RRBP1: variants seen among roughly 807,000 people sequenced by gnomAD.
The protein encoded by RRBP1 is ribosome-binding protein 1.
A neutral mutation model predicts 165.2 loss-of-function variants in RRBP1; 94 were observed. The observed-to-expected ratio is 0.57, with a 90% CI of 0.48 to 0.68. The LOEUF is 0.68. RRBP1 is among the 30% of genes least tolerant of loss of function. The pLI, the probability that RRBP1 is intolerant of heterozygous loss-of-function variation, is 0.00. For missense variants in RRBP1, 1,676 were observed against 1,763.0 expected (o/e 0.95, Z 0.88); for synonymous variants, 680 against 714.5 (o/e 0.95, Z 0.77).
In RRBP1 at chr20:17,660,040, T is replaced by G. The variant is rs2036730287; in HGVS notation, c.468A>C (p.Val156=). The part of the protein sequence containing the change: ...VAKVEPAVSS[V]VNSIQVLTSK... Reference sequence around the variant, plus strand: ...AAGTGAGAACCTGGATGGAATTCACTACAGAGCTGACAGCTGGTTCCACTT... The same window carrying G: ...AAGTGAGAACCTGGATGGAATTCACGACAGAGCTGACAGCTGGTTCCACTT... The change falls in exon 3 of 25, where the codon GTA becomes GTC. Residue 156 remains valine, a synonymous_variant. Coordinates refer to ENST00000377813, the MANE Select transcript of RRBP1 (RefSeq NM_001365613.2). 1 of 1,613,494 alleles carries G rather than the reference T, an allele frequency of 6.2e-7. No homozygotes were observed. The highest frequency in any genetic ancestry group is 1.3e-5 in the African/African-American group (1 of 74,936).
chr20:17,615,601 C>T (rs559172585), intron 22 of RRBP1, 72 bp from the exon 23 acceptor site: 3 of 1,317,984 alleles, frequency 2.3e-6, no homozygotes, highest in South Asian at 3.0e-5. Flanking sequence ...CCCTACCGAG[C>T]ACGCCTGGGG....
chr20:17,664,402 C>T (rs951991820), intron 2 of RRBP1, among the ~76,000 whole-genome samples: 2 of 152,170 alleles, frequency 1.3e-5, no homozygotes, highest in African/African-American at 2.4e-5. Context: ...CTGCTGGTAA[C>T]TGAAACCACA....
At chr20:17,633,662 A>G in intron 7 of RRBP1, 49 bp from the exon 8 acceptor site, 1 of 1,594,608 alleles carries the variant, frequency 6.3e-7, no homozygotes. Context: ...GGGTGATGGG[A>G]TCGGTGGTCC....
intron 3 of RRBP1, among the ~76,000 whole-genome samples, chr20:17,657,335 A>AG (rs2036662830): frequency 6.6e-6 from 1 of 152,210 alleles, no homozygotes; most frequent in Admixed American, 6.5e-5. Context: ...CACACGGAGC[A>AG]GGGGGCTGCT....
intron 8 of RRBP1, 105 bp from the exon 9 acceptor site, chr20:17,630,066 T>A: frequency 7.8e-7 from 1 of 1,283,794 alleles, no homozygotes; most frequent in Non-Finnish European, 1.1e-6. Context: ...CAAAGCCCCG[T>A]GCAGTCTCTG....
At chr20:17,668,022 A>G (rs1018982534) in intron 2 of RRBP1, among the ~76,000 whole-genome samples, 1 of 152,174 alleles carries the variant, frequency 6.6e-6, no homozygotes, top group Non-Finnish European at 1.5e-5. Context: ...TTCCTTTATA[A>G]TATCTTTTTA....
chr20:17,631,934 T>C (rs1040278282), intron 8 of RRBP1, among the ~76,000 whole-genome samples: 3 of 152,212 alleles, frequency 2.0e-5, no homozygotes, highest in Non-Finnish European at 2.9e-5. Flanking sequence ...CTTGGAGATA[T>C]CTTGAATAAA....
chr20:17,665,811 A>C (rs1339013074), intron 2 of RRBP1, among the ~76,000 whole-genome samples: 1 of 152,118 alleles, frequency 6.6e-6, no homozygotes, highest in Non-Finnish European at 1.5e-5. Flanking sequence ...TTTATAAGTT[A>C]TTTTCTTCAA....
intron 6 of RRBP1, 22 bp from the exon 7 acceptor site, chr20:17,635,686 C>G (rs531860027): frequency 2.5e-6 from 4 of 1,580,984 alleles, no homozygotes; most frequent in Non-Finnish European, 1.7e-6. Context: ...CGGGCAAGGG[C>G]ATCAGAGGCA....
At chr20:17,642,512 G>A (rs1273079250) in intron 4 of RRBP1, among the ~76,000 whole-genome samples, 1 of 152,118 alleles carries the variant, frequency 6.6e-6, no homozygotes, top group Admixed American at 6.5e-5. Flanking sequence ...CCTGAACTCT[G>A]ACTCCAGTGA....
Position 17,660,478 on chromosome 20 carries a change from C to T in RRBP1, c.30G>A (p.Gly10=), listed in dbSNP as rs2036744958. MDIYDTQTL[G]VVVFGGFMVV... The stretch of plus-strand genomic sequence containing the variant: ...CCATGAATCCTCCAAAGACCACAAC[C>T]CCCAAGGTTTGAGTGTCGTAAATAT... The change falls in exon 3 of 25, where the codon GGG becomes GGA. Residue 10 remains glycine, a synonymous_variant. Transcript: ENST00000377813. The T allele has an allele frequency of 1.2e-6, 2 of 1,614,006 alleles. No homozygotes were observed. Among genetic ancestry groups the T allele is most frequent in the African/African-American group, 2.7e-5 (2 of 75,008 alleles).
chr20:17,677,440 C>T (rs902418628), intron 2 of RRBP1, among the ~76,000 whole-genome samples: 7 of 152,178 alleles, frequency 4.6e-5, no homozygotes, highest in African/African-American at 1.4e-4. Context: ...TAAAGTTAAA[C>T]TTTGGTTTTA....
intron 11 of RRBP1, 60 bp downstream of exon 11, chr20:17,627,288 G>A (rs1417164229): frequency 3.8e-6 from 6 of 1,582,092 alleles, no homozygotes; most frequent in Non-Finnish European, 5.2e-6. Flanking sequence ...GGCCCCCCAA[G>A]GGTCTTTGGT....
At chr20:17,645,161 G>A (rs541701848) in intron 3 of RRBP1, among the ~76,000 whole-genome samples, 14 of 152,288 alleles carry the variant, frequency 9.2e-5, no homozygotes, top group African/African-American at 3.4e-4. Flanking sequence ...GGCCCCTACT[G>A]CACTGCTGGG....
Position 17,659,919 on chromosome 20 carries a change from T to C in RRBP1, c.589A>G (p.Thr197Ala), listed in dbSNP as rs2036727738. ...AKGNTPATGT[T>A]QGKKAEGTQN... ...GTCCCCTCCGCCTTTTTGCCCTGAG[T>C]AGTGCCAGTGGCTGGTGTGTTGCCC... The change falls in exon 3 of 25, where the codon ACT becomes GCT. Residue 197 changes from threonine to alanine, a missense_variant. Physicochemically the swap from Thr to Ala is moderately conservative, Grantham distance 58. This residue lies in a region of RRBP1 where 392 missense variants were observed against 382.5 expected (regional missense o/e 1.02). Transcript: ENST00000377813. The C allele has an allele frequency of 6.4e-7, 1 of 1,568,430 alleles. No homozygotes were observed. The highest frequency in any genetic ancestry group is 8.7e-7 in the Non-Finnish European group (1 of 1,155,294).
In RRBP1 at chr20:17,616,752, C is replaced by G. The variant is rs554331772; in HGVS notation, c.3847G>C (p.Ala1283Pro). The change falls in exon 21 of 25, where the codon GCC becomes CCC. Residue 1283 changes from alanine to proline, a missense_variant. By Grantham distance (27) the Ala-to-Pro change is conservative. Around this residue, in one of 5 missense-constraint regions of RRBP1, gnomAD observed 1,184 missense variants for 1,167.1 expected, o/e 1.01. Coordinates refer to ENST00000377813, the MANE Select transcript of RRBP1 (RefSeq NM_001365613.2). ...APASSPEAPP[A>P]EQDPVQLKTQ... ...CTAACCTGAACGGGGTCCTGCTCGG[C>G]TGGGGGCGCCTCTGGGGAGGAAGCT... 7 of 1,611,092 alleles carry G rather than the reference C, an allele frequency of 4.3e-6. No homozygotes were observed. In the South Asian group the frequency reaches 7.7e-5, roughly 18 times the overall value.
chr20:17,670,771 C>G (rs559500066), intron 2 of RRBP1, among the ~76,000 whole-genome samples: 157 of 152,346 alleles, frequency 1.0e-3, no homozygotes, highest in African/African-American at 3.6e-3. Context: ...TCTTTTCACT[C>G]TCACTGTTGA....
At chr20:17,651,040 C>T (rs1278386402) in intron 3 of RRBP1, among the ~76,000 whole-genome samples, 8 of 152,198 alleles carry the variant, frequency 5.3e-5, no homozygotes, top group African/African-American at 1.4e-4. Flanking sequence ...TGACAGTACC[C>T]GGAACACGGG....
intron 3 of RRBP1, among the ~76,000 whole-genome samples, chr20:17,654,461 A>T (rs558923604): frequency 2.6e-4 from 40 of 152,366 alleles, no homozygotes; most frequent in African/African-American, 9.4e-4. Context: ...TGTGGAAAAG[A>T]AGTAGACTGA....
Sources: allele counts gnomAD v4.1 joint callset (sites outside exome capture counted in the v4.1 genomes callset), GRCh38; gene constraint gnomAD v4.1.1; regional missense constraint gnomAD v4.1.1; transcripts MANE v1.5; gene names NCBI Gene and HGNC (gene_info 2026-07-23, HGNC 2026-07-21).